The following HAPLN3 variants were observed in gnomAD, a reference collection of about 807,000 sequenced individuals.
The protein encoded by HAPLN3 is extracellular link domain containing, 1.
HAPLN3 carries 28 observed loss-of-function variants against 28.1 expected under a neutral mutation model. The observed-to-expected ratio is 1.00, with a 90% CI of 0.74 to 1.37. HAPLN3 has a LOEUF of 1.37. HAPLN3 is among the 40% of genes most tolerant of loss of function. The pLI is 0.00. For synonymous variants in HAPLN3, 211 were observed against 213.1 expected (o/e 0.99, Z 0.09); for missense variants, 513 against 504.6 (o/e 1.02, Z -0.16).
Position 88,888,906 on chromosome 15 carries a change from G to T in HAPLN3, c.-47-1561C>A, listed in dbSNP as rs1453270154. Among the ~76,000 whole-genome samples the T allele has an allele frequency of 6.6e-6, 1 of 152,186 alleles. No individual in the cohort carries two copies. Among genetic ancestry groups the T allele is most frequent in the Non-Finnish European group, 1.5e-5 (1 of 68,024 alleles). On this transcript the variant is annotated intron_variant, in intron 1 of 4. Transcript: ENST00000359595. This position sits in a 1 kb window ranked among gnomAD's most constrained non-coding sequence, Gnocchi z 4.1. ...CTGGGGGTGCTGGGGGTATACAGGA[G>T]GTCCTCCATTTGCCCCACACACCCA... is the stretch of plus-strand genomic sequence containing the variant.
chr15:88,890,032 AGG>A (rs1287284687), intron 1 of HAPLN3, among the ~76,000 whole-genome samples: 2 of 108,656 alleles, frequency 1.8e-5, no homozygotes, highest in Non-Finnish European at 4.2e-5. Flanking sequence ...GGAGGAAGGA[AGG>A]AAAGGAAGGA....
Position 88,879,342 on chromosome 15 carries a change from A to G in HAPLN3, c.494-73T>C. The G allele has an allele frequency of 6.3e-7, 1 of 1,592,876 alleles. No homozygotes were observed. Among genetic ancestry groups the G allele is most frequent in the South Asian group, 1.1e-5 (1 of 90,082 alleles). ...TGGCTGGACACCCCGCTCTCCTCCC[A>G]CCTTCACTGGGACATGTGCTGCCTG... On this transcript the variant is annotated intron_variant, in intron 3 of 4. Transcript: ENST00000359595. The surrounding 1 kb of genome is among the most constrained non-coding windows in gnomAD (Gnocchi z 5.0).
chr15:88,883,945 G>A (rs1897775946), intron 2 of HAPLN3, among the ~76,000 whole-genome samples: 2 of 152,032 alleles, frequency 1.3e-5, no homozygotes, highest in South Asian at 4.2e-4. Flanking sequence ...GGGCACAGTG[G>A]TGCACGCCTG....
chr15:88,892,483 G>T (rs1404438844), intron 1 of HAPLN3, among the ~76,000 whole-genome samples: 1 of 151,832 alleles, frequency 6.6e-6, no homozygotes, highest in Non-Finnish European at 1.5e-5. Context: ...AAAAACAAAA[G>T]GAATTATAAG....
Position 88,880,703 on chromosome 15 carries a change from C to T in HAPLN3, c.493+654G>A. ...CAGGGTGTGGCTGGTTTGGACAGCA[C>T]TGGGTTTTTGTTTTTGGTTTTGGGG... is the stretch of plus-strand genomic sequence containing the variant. On this transcript the variant is annotated intron_variant, in intron 3 of 4. Coordinates refer to ENST00000359595, the MANE Select transcript of HAPLN3 (RefSeq NM_178232.4). This position sits in a 1 kb window ranked among gnomAD's most constrained non-coding sequence, Gnocchi z 6.0. 1 of 735,284 alleles carries T rather than the reference C, an allele frequency of 1.4e-6. No individual in the cohort carries two copies. Among genetic ancestry groups the T allele is most frequent in the Non-Finnish European group, 1.9e-6 (1 of 537,284 alleles). 45.5% of individuals were successfully genotyped at this position (735,284 alleles called of 1,614,324 possible).
intron 1 of HAPLN3, among the ~76,000 whole-genome samples, chr15:88,893,415 C>A (rs1287938023): frequency 2.0e-5 from 3 of 149,144 alleles, no homozygotes; most frequent in Non-Finnish European, 3.0e-5. Context: ...AAGACTCCAG[C>A]TCAAAAAAAA....
Position 88,883,293 on chromosome 15 carries a change from A to G in HAPLN3, c.125-1568T>C, listed in dbSNP as rs368136240. On this transcript the variant is annotated intron_variant, in intron 2 of 4. Coordinates refer to ENST00000359595, the MANE Select transcript of HAPLN3 (RefSeq NM_178232.4). ...CCAGGGGACTTTCAGGCTCATTCAG[A>G]TTAGAGCTGTCCTGCTCTGCAGAGG... Among the ~76,000 whole-genome samples the G allele has an allele frequency of 3.6e-3, 544 of 152,306 alleles. 26 individuals are homozygous for G. In the South Asian group the frequency reaches 0.091, roughly 26 times the overall value.
chr15:88,891,976 C>A (rs1176982641), intron 1 of HAPLN3, among the ~76,000 whole-genome samples: 2 of 152,202 alleles, frequency 1.3e-5, no homozygotes, highest in African/African-American at 2.4e-5. Flanking sequence ...GGGCTCCCAG[C>A]TGCTGCTTAT....
intron 1 of HAPLN3, among the ~76,000 whole-genome samples, chr15:88,890,366 G>T (rs971718789): frequency 2.6e-5 from 4 of 152,160 alleles, no homozygotes; most frequent in Admixed American, 2.6e-4. Context: ...AGAACTGGGA[G>T]GCCTAAGCAC....
At chr15:88,884,519 G>C (rs892866809) in intron 2 of HAPLN3, among the ~76,000 whole-genome samples, 68 of 152,068 alleles carry the variant, frequency 4.5e-4, no homozygotes, top group African/African-American at 1.5e-3. Context: ...AGCCGAGATC[G>C]CGCCACTGCA....
intron 1 of HAPLN3, among the ~76,000 whole-genome samples, chr15:88,894,891 G>A (rs1005161239): frequency 6.6e-6 from 1 of 152,158 alleles, no homozygotes; most frequent in Non-Finnish European, 1.5e-5. Flanking sequence ...CCTGGGGCAA[G>A]AACCCCGGTG....
At chr15:88,891,899 T>TGA (rs1567207469) in intron 1 of HAPLN3, among the ~76,000 whole-genome samples, 1 of 152,102 alleles carries the variant, frequency 6.6e-6, no homozygotes, top group Non-Finnish European at 1.5e-5. Flanking sequence ...GGGCCAAGAT[T>TGA]TGATGTTGAG....
intron 2 of HAPLN3, among the ~76,000 whole-genome samples, chr15:88,885,149 C>A (rs909042725): frequency 2.6e-5 from 4 of 152,264 alleles, no homozygotes; most frequent in African/African-American, 9.6e-5. Flanking sequence ...AGGTGAGAAA[C>A]ACCCAGCACT....
At position 88,880,518 on chromosome 15, in the gene HAPLN3, G is replaced by A. The variant is rs875024; in HGVS notation, c.493+839C>T. The stretch of plus-strand genomic sequence containing the variant: ...AGGCATTTACCCACATGTCATAGCT[G>A]GGACGGGCTGGGGCTAAAGTCAGGT... On this transcript the variant is annotated intron_variant, in intron 3 of 4. Coordinates refer to ENST00000359595, the MANE Select transcript of HAPLN3 (RefSeq NM_178232.4). This position sits in a 1 kb window ranked among gnomAD's most constrained non-coding sequence, Gnocchi z 6.0. 177,348 of 1,276,486 alleles carry A rather than the reference G, an allele frequency of 0.14. 12,801 individuals carry two copies. Among genetic ancestry groups the A allele is most frequent in the East Asian group, 0.23 (4,065 of 17,940 alleles). The allele number at this position is 1,276,486 out of a possible 1,614,324, so 79.1% of individuals were successfully genotyped here. A position where few individuals can be genotyped will look rare whatever the true frequency, so the allele number is the denominator to read the frequency against.
At position 88,877,629 on chromosome 15, in the gene HAPLN3, T is replaced by C. The variant is rs1033747789; in HGVS notation, c.*341A>G. The C allele has an allele frequency of 3.9e-5, 9 of 228,846 alleles. No individual in the cohort carries two copies. Among genetic ancestry groups the C allele is most frequent in the African/African-American group, 1.8e-4 (8 of 43,408 alleles). The allele number at this position is 228,846 out of a possible 1,614,324, so 14.2% of individuals were successfully genotyped here. ...GGGGCAGGGAGAACTGTGCCCACCA[T>C]GCCCGGACTCCCGGCGGCATTCTAG... On this transcript the variant is annotated 3_prime_UTR_variant, in exon 5 of 5. Coordinates refer to ENST00000359595, the MANE Select transcript of HAPLN3 (RefSeq NM_178232.4). This position sits in a 1 kb window ranked among gnomAD's most constrained non-coding sequence, Gnocchi z 5.1.
chr15:88,886,485 C>T (rs760830437), intron 2 of HAPLN3, among the ~76,000 whole-genome samples: 19 of 152,092 alleles, frequency 1.2e-4, no homozygotes, highest in African/African-American at 1.9e-4. Context: ...TACTTTAAAA[C>T]GTTCCCTGCC....
rs563478325 is a variant in HAPLN3 at position 88,893,335 on chromosome 15, T to C, written c.-48+2124A>G. Among the ~76,000 whole-genome samples the C allele has an allele frequency of 9.2e-5, 14 of 152,058 alleles. 1 individual carries two copies. The South Asian group carries it at 3.0e-3, about 32-fold the overall frequency. ...GGGGTGGCTAAGGCAGGAGAATTGT[T>C]TGAACCCAGGAGGCGGAAGTTGCAG... is the stretch of plus-strand genomic sequence containing the variant. On this transcript the variant is annotated intron_variant, in intron 1 of 4. Coordinates refer to ENST00000359595, the MANE Select transcript of HAPLN3 (RefSeq NM_178232.4).
intron 2 of HAPLN3, among the ~76,000 whole-genome samples, chr15:88,886,685 C>G (rs188010591): frequency 6.6e-6 from 1 of 151,434 alleles, no homozygotes; most frequent in East Asian, 2.0e-4. Context: ...AGTAGCCAGG[C>G]ATGGTGGCAC....
intron 1 of HAPLN3, among the ~76,000 whole-genome samples, chr15:88,894,954 G>A (rs1596181536): frequency 6.6e-6 from 1 of 152,252 alleles, no homozygotes; most frequent in East Asian, 1.9e-4. Flanking sequence ...GGCGCCCAGA[G>A]CCGGCCAGCT....
Sources: gnomAD v4.1 joint callset for allele counts (sites outside exome capture counted in the v4.1 genomes callset) on GRCh38, gnomAD v4.1.1 for gene constraint, Gnocchi (gnomAD v3.1) non-coding constraint, MANE v1.5 for transcripts, NCBI Gene and HGNC (gene_info 2026-07-23, HGNC 2026-07-21) for gene names.